PTPRD: variants seen among roughly 807,000 people sequenced by gnomAD.
PTPRD encodes protein tyrosine phosphatase receptor type D.
A neutral mutation model predicts 214.5 loss-of-function variants in PTPRD; 34 were observed. The observed-to-expected ratio is 0.16, with a 90% CI of 0.12 to 0.21. The LOEUF (loss-of-function observed/expected upper bound fraction) is 0.21, where lower values mean the gene tolerates loss of function less well. Ranked by LOEUF, PTPRD falls within the 10% of genes least tolerant of loss-of-function variation. PTPRD has a pLI of 1.00. For missense variants in PTPRD, 2,545 were observed against 2,398.7 expected (o/e 1.06, Z -1.27); for synonymous variants, 1,128 against 845.7 (o/e 1.33, Z -5.79).
rs182394910 is a variant in PTPRD at position 8,696,694 on chromosome 9, T to C, written c.64+37086A>G. ...TGTCGTGAGCTAACAGGGTCTGACA[T>C]AAGATGACGGCAGAGAGGAATGCAG... is the stretch of plus-strand genomic sequence containing the variant. On this transcript the variant is annotated intron_variant, in intron 12 of 45. Coordinates refer to ENST00000381196, the MANE Select transcript of PTPRD (RefSeq NM_002839.4). Among the ~76,000 whole-genome samples, 92 of 152,322 alleles carry C rather than the reference T, an allele frequency of 6.0e-4. 1 individual carries two copies. The highest frequency in any genetic ancestry group is 2.1e-3 in the African/African-American group (88 of 41,578).
At chr9:10,547,426 T>C (rs1441177607) in intron 2 of PTPRD, among the ~76,000 whole-genome samples, 1 of 152,012 alleles carries the variant, frequency 6.6e-6, no homozygotes, top group Non-Finnish European at 1.5e-5. Flanking sequence ...TACCATGCTC[T>C]AGAGTCTGTG....
intron 8 of PTPRD, among the ~76,000 whole-genome samples, chr9:9,424,091 T>C (rs1399257571): frequency 3.3e-5 from 5 of 152,192 alleles, no homozygotes; most frequent in Admixed American, 2.6e-4. Flanking sequence ...TGGAAGGCTG[T>C]TGACATCCAG....
At chr9:8,339,515 G>C (rs1376546863) in intron 42 of PTPRD, among the ~76,000 whole-genome samples, 1 of 152,086 alleles carries the variant, frequency 6.6e-6, no homozygotes. Flanking sequence ...AATCTTACTT[G>C]TCAAGGAAAC....
At chr9:8,987,685 T>C (rs1344191952) in intron 11 of PTPRD, among the ~76,000 whole-genome samples, 1 of 152,078 alleles carries the variant, frequency 6.6e-6, no homozygotes, top group African/African-American at 2.4e-5. Flanking sequence ...ACAATGAATG[T>C]GGAAGTCATT....
intron 8 of PTPRD, among the ~76,000 whole-genome samples, chr9:9,516,640 C>A (rs949388076): frequency 6.6e-6 from 1 of 151,902 alleles, no homozygotes; most frequent in Non-Finnish European, 1.5e-5. Context: ...AGGGTGCAAG[C>A]GATTTTCCTG....
At chr9:9,765,374 T>C (rs571773964) in intron 6 of PTPRD, among the ~76,000 whole-genome samples, 1 of 152,302 alleles carries the variant, frequency 6.6e-6, no homozygotes, top group South Asian at 2.1e-4. Flanking sequence ...CAGGCATCAA[T>C]TACTAATGAT....
chr9:9,889,228 T>C (rs912785839), intron 5 of PTPRD, among the ~76,000 whole-genome samples: 1 of 152,116 alleles, frequency 6.6e-6, no homozygotes, highest in Admixed American at 6.6e-5. Flanking sequence ...GTTAGCAATA[T>C]ATTGTATTCT....
At chr9:8,493,394 T>C (rs10122962) in intron 26 of PTPRD, among the ~76,000 whole-genome samples, 6,182 of 152,264 alleles carry the variant, frequency 0.041, 408 homozygotes, top group African/African-American at 0.14. Flanking sequence ...TATGCCTGGC[T>C]TATAGGAAGC....
chr9:8,722,123 CTGTG>C (rs34720946), intron 12 of PTPRD, among the ~76,000 whole-genome samples: 16,344 of 147,356 alleles, frequency 0.11, 1,001 homozygotes, highest in Admixed American at 0.16. Context: ...AAGTATTACT[CTGTG>C]TGTGTGTGTG....
At position 8,625,137 on chromosome 9, in the gene PTPRD, T is replaced by C. The variant is rs893127598; in HGVS notation, c.352+8180A>G. Among the ~76,000 whole-genome samples the C allele has an allele frequency of 2.6e-5, 4 of 151,632 alleles. No individual in the cohort carries two copies. In the South Asian group the frequency reaches 8.3e-4, roughly 31 times the overall value. On this transcript the variant is annotated intron_variant, in intron 14 of 45. Transcript: ENST00000381196. ...GATAAAAGTCTCAAGACATAAAGAG[T>C]ATAATTTCACATAGTAAAAAGTGCT...
chr9:10,427,844 A>C (rs547499955), intron 2 of PTPRD, among the ~76,000 whole-genome samples: 1 of 152,102 alleles, frequency 6.6e-6, no homozygotes, highest in African/African-American at 2.4e-5. Flanking sequence ...GAATTATTTT[A>C]TGTATTTTAA....
At chr9:10,182,098 CA>C (rs34271343) in intron 3 of PTPRD, among the ~76,000 whole-genome samples, 2,666 of 120,920 alleles carry the variant, frequency 0.022, 28 homozygotes, top group Non-Finnish European at 0.032. Context: ...ACTAAAAATA[CA>C]AAAAAAAAAA....
intron 6 of PTPRD, among the ~76,000 whole-genome samples, chr9:9,760,627 CACACACACACACACACACACACACACAT>C (rs1430772299): frequency 6.4e-5 from 9 of 139,912 alleles, no homozygotes; most frequent in South Asian, 2.5e-4. Flanking sequence ...CACACACACA[CACACACACACACACACACACACACACAT>C]ATATATATAT....
chr9:8,412,600 C>G (rs951341498), intron 35 of PTPRD, among the ~76,000 whole-genome samples: 5 of 152,174 alleles, frequency 3.3e-5, no homozygotes, highest in Admixed American at 3.3e-4. Context: ...TAAAAGAATG[C>G]TAGATGTTTT....
intron 36 of PTPRD, among the ~76,000 whole-genome samples, chr9:8,397,978 G>GCT (rs1390488865): frequency 2.6e-5 from 4 of 151,988 alleles, no homozygotes; most frequent in African/African-American, 9.7e-5. Flanking sequence ...AATCTGTAAT[G>GCT]CTCTTATGGG....
At chr9:9,494,645 T>C (rs756170250) in intron 8 of PTPRD, among the ~76,000 whole-genome samples, 2 of 152,218 alleles carry the variant, frequency 1.3e-5, no homozygotes, top group South Asian at 2.1e-4. Flanking sequence ...AAGTAAACTA[T>C]GAAATATTGT....
At chr9:10,392,568 AC>A (rs2098089280) in intron 2 of PTPRD, among the ~76,000 whole-genome samples, 3 of 151,980 alleles carry the variant, frequency 2.0e-5, no homozygotes, top group South Asian at 2.1e-4. Flanking sequence ...AGGAATAAAA[AC>A]CTTATTCCTT....
intron 11 of PTPRD, among the ~76,000 whole-genome samples, chr9:8,899,766 T>C (rs373307426): frequency 3.1e-4 from 47 of 152,348 alleles, no homozygotes; most frequent in African/African-American, 9.9e-4. Flanking sequence ...TGCTAGTATA[T>C]GCATGTTTTA....
intron 8 of PTPRD, among the ~76,000 whole-genome samples, chr9:9,515,565 G>T (rs777962446): frequency 6.6e-6 from 1 of 151,902 alleles, no homozygotes; most frequent in African/African-American, 2.4e-5. Context: ...TTCTTTTCTC[G>T]AGGTGGTTGC....
Sources: allele counts gnomAD v4.1 joint callset (sites outside exome capture counted in the v4.1 genomes callset), GRCh38; gene constraint gnomAD v4.1.1; transcripts MANE v1.5; gene names NCBI Gene and HGNC (gene_info 2026-07-23, HGNC 2026-07-21).